The following SPATS2 variants were observed in gnomAD, a reference collection of about 807,000 sequenced individuals.
SPATS2 encodes spermatogenesis-associated serine-rich protein 2.
In SPATS2, 38 loss-of-function variants were observed where a neutral mutation model predicts 63.7. The observed-to-expected ratio is 0.60, with a 90% CI of 0.46 to 0.78. SPATS2 has a LOEUF of 0.78. Among genes scored for constraint, SPATS2 ranks in the 30% least tolerant of loss-of-function variants. SPATS2 has a pLI of 0.00. For missense variants in SPATS2, 588 were observed against 666.2 expected (o/e 0.88, Z 1.29); for synonymous variants, 207 against 232.9 (o/e 0.89, Z 1.01).
rs533245183 is a variant in SPATS2 at position 49,471,910 on chromosome 12, A to AG, written c.25+10876dup. Among the ~76,000 whole-genome samples, 310 of 152,138 alleles carry AG rather than the reference A, an allele frequency of 2.0e-3. 3 individuals carry two copies. The highest frequency in any genetic ancestry group is 6.8e-3 in the African/African-American group (283 of 41,504). On this transcript the variant is annotated intron_variant, in intron 3 of 13. Transcript: ENST00000552918. ...GTACCTGGATTCCCAGTACTTTGGGAGGGTCATTTGAGCCCAGGAGTTTGA... is the reference window on the plus strand; with the variant it reads ...GTACCTGGATTCCCAGTACTTTGGGAGGGGTCATTTGAGCCCAGGAGTTTGA...
At chr12:49,427,981 C>T (rs905668182) in intron 2 of SPATS2, among the ~76,000 whole-genome samples, 8 of 151,720 alleles carry the variant, frequency 5.3e-5, no homozygotes, top group East Asian at 1.9e-4. Context: ...TCAGGCCGGG[C>T]GCGGTGGCTC....
intron 2 of SPATS2, among the ~76,000 whole-genome samples, chr12:49,448,688 C>T (rs1158447907): frequency 7.0e-6 from 1 of 143,232 alleles, no homozygotes; most frequent in Non-Finnish European, 1.5e-5. Flanking sequence ...GCACTCCACC[C>T]TGGGTGACAG....
intron 4 of SPATS2, among the ~76,000 whole-genome samples, chr12:49,488,193 C>T (rs971380740): frequency 3.3e-5 from 5 of 151,840 alleles, no homozygotes; most frequent in African/African-American, 1.2e-4. Flanking sequence ...TACAGGCATG[C>T]GTCACTGTGC....
rs532467795 is a variant in SPATS2, at chr12:49,526,999, C to T, written c.*744C>T. 2 of 151,762 alleles carry T rather than the reference C, an allele frequency of 1.3e-5. No individual in the cohort carries two copies. The highest frequency in any genetic ancestry group is 2.1e-4 in the South Asian group (1 of 4,812). The allele number at this position is 151,762 out of a possible 1,614,324, so 9.4% of individuals were successfully genotyped here. The stretch of plus-strand genomic sequence containing the variant: ...ATCCCAGCACTTTGGGAGGCTGAGG[C>T]GGGTGGATCACTAGGTCAGGAGTTC... On this transcript the variant is annotated 3_prime_UTR_variant, in exon 14 of 14. Coordinates refer to ENST00000552918, the MANE Select transcript of SPATS2 (RefSeq NM_023071.4).
At chr12:49,496,379 C>T (rs1404547543) in intron 7 of SPATS2, among the ~76,000 whole-genome samples, 1 of 152,202 alleles carries the variant, frequency 6.6e-6, no homozygotes, top group Non-Finnish European at 1.5e-5. Context: ...TCCTGAATAC[C>T]TGGGATTACT....
intron 7 of SPATS2, among the ~76,000 whole-genome samples, chr12:49,495,691 C>T (rs145050876): frequency 2.0e-3 from 309 of 152,164 alleles, no homozygotes; most frequent in Non-Finnish European, 3.6e-3. Context: ...TTGCAGCCTC[C>T]GGCATAAATG....
At chr12:49,498,142 AAAAATATATATAT>A (rs1946496906) in intron 8 of SPATS2, among the ~76,000 whole-genome samples, 1 of 119,578 alleles carries the variant, frequency 8.4e-6, no homozygotes, top group Admixed American at 8.0e-5. Context: ...CAAAAAAAAA[AAAAATATATATAT>A]ATATATATAT....
At chr12:49,488,191 T>C (rs896596736) in intron 4 of SPATS2, among the ~76,000 whole-genome samples, 4 of 151,862 alleles carry the variant, frequency 2.6e-5, no homozygotes, top group Non-Finnish European at 5.9e-5. Flanking sequence ...ATTACAGGCA[T>C]GCGTCACTGT....
intron 3 of SPATS2, 100 bp downstream of exon 3, chr12:49,461,137 G>T: frequency 8.1e-7 from 1 of 1,238,872 alleles, no homozygotes; most frequent in South Asian, 1.3e-5. Context: ...TGTTTTGAAT[G>T]GTTTTACAAG....
chr12:49,454,023 CAACT>C (rs1449399590), intron 2 of SPATS2, among the ~76,000 whole-genome samples: 5 of 151,864 alleles, frequency 3.3e-5, no homozygotes, highest in African/African-American at 4.8e-5. Context: ...CCACCATGCC[CAACT>C]AACTTTTTTG....
intron 2 of SPATS2, among the ~76,000 whole-genome samples, chr12:49,426,492 T>C (rs1389705628): frequency 6.6e-6 from 1 of 152,226 alleles, no homozygotes; most frequent in African/African-American, 2.4e-5. Flanking sequence ...TTGCTTAGCA[T>C]TGCTTTTGAA....
chr12:49,492,914 G>A (rs985086933), intron 6 of SPATS2, among the ~76,000 whole-genome samples: 2 of 151,918 alleles, frequency 1.3e-5, no homozygotes, highest in Admixed American at 6.6e-5. Context: ...TGGCCAACAT[G>A]GTGAAACCCT....
At chr12:49,409,592 ATT>A (rs753378038) in intron 2 of SPATS2, among the ~76,000 whole-genome samples, 12 of 73,542 alleles carry the variant, frequency 1.6e-4, no homozygotes, top group African/African-American at 5.7e-4. Context: ...GTGCCCAGCA[ATT>A]TTTTTTTTTT....
chr12:49,380,170 T>C (rs1184239086), intron 2 of SPATS2, among the ~76,000 whole-genome samples: 1 of 150,056 alleles, frequency 6.7e-6, no homozygotes, highest in Non-Finnish European at 1.5e-5. Context: ...TCTCTCTCTT[T>C]TTTTTTTTTT....
intron 9 of SPATS2, among the ~76,000 whole-genome samples, chr12:49,509,516 G>A (rs749916255): frequency 1.3e-5 from 2 of 151,814 alleles, no homozygotes; most frequent in South Asian, 2.1e-4. Flanking sequence ...GTGATCCTCC[G>A]GCCTCGGCCT....
chr12:49,524,873 C>T lies in SPATS2; in HGVS notation c.1303C>T (p.Gln435Ter). The change falls in exon 13 of 14, where the codon CAG (glutamine) becomes TAG (stop). Residue 435 changes from glutamine to a stop codon, truncating the protein, a stop_gained. Coordinates refer to ENST00000552918, the MANE Select transcript of SPATS2 (RefSeq NM_023071.4). LOFTEE classifies it high-confidence loss of function. ...TPAAIANSSG[Q>*]PYQPLREVLP... Reference sequence around the variant, plus strand: ...TGCAGCCATAGCAAACTCCAGTGGCCAGCCCTACCAGCCACTTCGGGAGGT... The same window carrying T: ...TGCAGCCATAGCAAACTCCAGTGGCTAGCCCTACCAGCCACTTCGGGAGGT... The T allele has an allele frequency of 6.2e-7, 1 of 1,612,100 alleles. No homozygotes were observed. Among genetic ancestry groups the T allele is most frequent in the South Asian group, 1.1e-5 (1 of 91,042 alleles).
intron 2 of SPATS2, among the ~76,000 whole-genome samples, chr12:49,391,529 T>A (rs1036740863): frequency 7.2e-5 from 11 of 151,942 alleles, no homozygotes; most frequent in East Asian, 1.9e-4. Context: ...ATGTATATTT[T>A]AAAAAAAAGT....
chr12:49,415,943 C>G (rs1394548235), intron 2 of SPATS2, among the ~76,000 whole-genome samples: 1 of 151,878 alleles, frequency 6.6e-6, no homozygotes, highest in Non-Finnish European at 1.5e-5. Flanking sequence ...TTTCTCAAGA[C>G]CCTGCAGGCC....
At chr12:49,417,574 A>T (rs1944909515) in intron 2 of SPATS2, among the ~76,000 whole-genome samples, 1 of 152,092 alleles carries the variant, frequency 6.6e-6, no homozygotes, top group Non-Finnish European at 1.5e-5. Flanking sequence ...GTGATTTATG[A>T]TATGTGTTTG....
Sources: allele counts gnomAD v4.1 joint callset (sites outside exome capture counted in the v4.1 genomes callset), GRCh38; gene constraint gnomAD v4.1.1; transcripts MANE v1.5; gene names NCBI Gene and HGNC (gene_info 2026-07-23, HGNC 2026-07-21).